Variants in LHPP observed in about 807,000 individuals in gnomAD.
LHPP encodes the protein phospholysine phosphohistidine inorganic pyrophosphate phosphatase, also known as hLHPP.
A neutral mutation model predicts 30.3 loss-of-function variants in LHPP; 24 were observed. The observed-to-expected ratio is 0.79, with a 90% CI of 0.57 to 1.11. The LOEUF (loss-of-function observed/expected upper bound fraction) is 1.11, where lower values mean the gene tolerates loss of function less well. Among genes scored for constraint, LHPP ranks in the 50% most tolerant of loss-of-function variants. The pLI, the probability that LHPP is intolerant of heterozygous loss-of-function variation, is 0.00. For missense variants in LHPP, 356 were observed against 367.2 expected (o/e 0.97, Z 0.25); for synonymous variants, 150 against 157.1 (o/e 0.95, Z 0.34).
At chr10:124,511,748 A>G (rs1217188026) in intron 5 of LHPP, among the ~76,000 whole-genome samples, 1 of 152,126 alleles carries the variant, frequency 6.6e-6, no homozygotes, top group Non-Finnish European at 1.5e-5. Flanking sequence ...ATGGCTCCTG[A>G]TGATTCCTTG....
At chr10:124,553,415 A>G (rs1038929497) in intron 6 of LHPP, among the ~76,000 whole-genome samples, 2 of 150,426 alleles carry the variant, frequency 1.3e-5, no homozygotes, top group African/African-American at 4.9e-5. Context: ...GAAAATCCCA[A>G]CAGCGGCACC....
chr10:124,550,711 CT>C (rs1284784395), intron 6 of LHPP, among the ~76,000 whole-genome samples: 3 of 152,228 alleles, frequency 2.0e-5, no homozygotes, highest in Admixed American at 1.3e-4. Context: ...GATAGACTCA[CT>C]TCCCCTCTCC....
intron 6 of LHPP, among the ~76,000 whole-genome samples, chr10:124,580,807 C>G (rs1589690973): frequency 1.3e-5 from 2 of 151,230 alleles, no homozygotes; most frequent in East Asian, 3.9e-4. Context: ...CAACCTCTGC[C>G]TCCTGGGTTT....
chr10:124,532,870 G>C (rs935681761), intron 6 of LHPP, among the ~76,000 whole-genome samples: 6 of 152,186 alleles, frequency 3.9e-5, no homozygotes, highest in African/African-American at 1.4e-4. Context: ...AAAGTGTCCC[G>C]AGGAAGGGGC....
chr10:124,475,971 G>C (rs1270936683), intron 1 of LHPP, among the ~76,000 whole-genome samples: 1 of 152,166 alleles, frequency 6.6e-6, no homozygotes, highest in Non-Finnish European at 1.5e-5. Flanking sequence ...TGCGTTTATT[G>C]ATTCCTGGGA....
intron 6 of LHPP, among the ~76,000 whole-genome samples, chr10:124,572,645 A>T (rs865915593): frequency 5.6e-5 from 1 of 17,870 alleles, no homozygotes; most frequent in African/African-American, 2.1e-4. Flanking sequence ...AAAGAAAGAA[A>T]GTAAGAAAGG....
intron 6 of LHPP, among the ~76,000 whole-genome samples, chr10:124,599,318 C>T (rs1948993116): frequency 6.6e-6 from 1 of 152,240 alleles, no homozygotes; most frequent in South Asian, 2.1e-4. Flanking sequence ...GAGCACCTGC[C>T]ATGCCCACGA....
chr10:124,598,308 G>T (rs1280276388), intron 6 of LHPP, among the ~76,000 whole-genome samples: 2 of 152,254 alleles, frequency 1.3e-5, no homozygotes, highest in Admixed American at 6.5e-5. Context: ...GTCTCAGGGG[G>T]TCCAGGGTGG....
intron 5 of LHPP, among the ~76,000 whole-genome samples, chr10:124,508,534 G>A (rs1429313564): frequency 6.6e-6 from 1 of 151,920 alleles, no homozygotes; most frequent in Non-Finnish European, 1.5e-5. Context: ...CTAGTCATAA[G>A]GTGCTCTGAG....
rs143138816 is a variant in LHPP at position 124,472,448 on chromosome 10, T to TA, written c.125+10462dup. 7.3e-3 allele frequency among the ~76,000 whole-genome samples: 1,119 copies of TA among 152,328 alleles called. 10 individuals are homozygous for TA. The highest frequency in any genetic ancestry group is 0.024 in the South Asian group (117 of 4,830). On this transcript the variant is annotated intron_variant, in intron 1 of 6. Transcript: ENST00000368842. ...CTGGTTTATCCAGACTTCAGACTGT[T>TA]AGACAGCTATGAAAGAATGACTTCG...
Position 124,575,799 on chromosome 10 carries a change from C to G in LHPP, c.717-37465C>G, listed in dbSNP as rs569695664. On this transcript the variant is annotated intron_variant, in intron 6 of 6. Transcript: ENST00000368842. ...ACCTCCAACTTGCATCCCGGTCCCC[C>G]ACACCCTGACCCCCAAAGGCATTGT... 2.0e-5 allele frequency among the ~76,000 whole-genome samples: 3 copies of G among 152,310 alleles called. No individual in the cohort carries two copies. The East Asian group carries it at 5.8e-4, about 29-fold the overall frequency.
At chr10:124,612,311 A>G (rs1949213106) in intron 6 of LHPP, among the ~76,000 whole-genome samples, 1 of 152,178 alleles carries the variant, frequency 6.6e-6, no homozygotes, top group Non-Finnish European at 1.5e-5. Flanking sequence ...GAGCCGAGGC[A>G]GGAGAATCGC....
chr10:124,526,364 C>T, intron 6 of LHPP: 1 of 347,530 alleles, frequency 2.9e-6, no homozygotes, highest in Non-Finnish European at 4.1e-6. Flanking sequence ...CCTTCTTACC[C>T]CTACCATTTA....
chr10:124,558,868 C>T (rs1054264392), intron 6 of LHPP, among the ~76,000 whole-genome samples: 2 of 152,238 alleles, frequency 1.3e-5, no homozygotes, highest in Admixed American at 1.3e-4. Flanking sequence ...GGCCCTCTTG[C>T]CAAGCACTCT....
At chr10:124,518,809 G>T (rs985608780) in intron 6 of LHPP, among the ~76,000 whole-genome samples, 4 of 152,240 alleles carry the variant, frequency 2.6e-5, no homozygotes, top group African/African-American at 9.6e-5. Context: ...CACGAGGGAG[G>T]CTGTGCCCAC....
chr10:124,485,488 T>G (rs1281356620), intron 2 of LHPP, among the ~76,000 whole-genome samples: 1 of 152,132 alleles, frequency 6.6e-6, no homozygotes, highest in Non-Finnish European at 1.5e-5. Flanking sequence ...ACTAGACCCT[T>G]GTTTTCAGAC....
Position 124,575,419 on chromosome 10 carries a change from T to C in LHPP, c.717-37845T>C, listed in dbSNP as rs368226782. Among the ~76,000 whole-genome samples the C allele has an allele frequency of 5.3e-4, 80 of 152,212 alleles. 1 individual carries two copies. The South Asian group carries it at 0.016, about 30-fold the overall frequency. On this transcript the variant is annotated intron_variant, in intron 6 of 6. Coordinates refer to ENST00000368842, the MANE Select transcript of LHPP (RefSeq NM_022126.4). ...TACAGTTCACTCCCTAATACGCCAT[T>C]TACTTGGAGAAGCCCTCTCCAGCTG...
intron 3 of LHPP, among the ~76,000 whole-genome samples, chr10:124,492,378 T>C (rs1589787481): frequency 6.6e-6 from 1 of 152,152 alleles, no homozygotes; most frequent in South Asian, 2.1e-4. Flanking sequence ...GATATAGATA[T>C]GTAGAGAGAT....
At chr10:124,547,239 C>T (rs960221017) in intron 6 of LHPP, among the ~76,000 whole-genome samples, 8 of 152,210 alleles carry the variant, frequency 5.3e-5, no homozygotes, top group East Asian at 1.9e-4. Flanking sequence ...AGTTCCAGTT[C>T]ATTCCTGCAG....
Sources: allele counts gnomAD v4.1 joint callset (sites outside exome capture counted in the v4.1 genomes callset), GRCh38; gene constraint gnomAD v4.1.1; transcripts MANE v1.5; gene names NCBI Gene and HGNC (gene_info 2026-07-23, HGNC 2026-07-21).